SORCS2: variants seen among roughly 807,000 people sequenced by gnomAD.
The protein encoded by SORCS2 is VPS10 domain-containing receptor SorCS2.
Under a neutral mutation model 141.6 loss-of-function variants are expected in SORCS2, and 100 were observed. That is an observed-to-expected ratio of 0.71 (90% CI 0.60 to 0.83). The LOEUF (loss-of-function observed/expected upper bound fraction) is 0.83, where lower values mean the gene tolerates loss of function less well. Ranked by LOEUF, SORCS2 falls within the 40% of genes least tolerant of loss-of-function variation. SORCS2 has a pLI of 0.00. For missense variants in SORCS2, 1,646 were observed against 1,560.2 expected, an observed-to-expected ratio of 1.05 and a Z score of -0.93; for synonymous variants, 789 against 676.9, an observed-to-expected ratio of 1.17 and a Z score of -2.57.
chr4:7,338,238 A>T (rs1238563937), intron 1 of SORCS2, among the ~76,000 whole-genome samples: 4 of 142,692 alleles, frequency 2.8e-5, no homozygotes, highest in East Asian at 4.2e-4. Flanking sequence ...GTCGGATGGA[A>T]GGATGGATGG....
intron 1 of SORCS2, among the ~76,000 whole-genome samples, chr4:7,313,944 C>G (rs1159745283): frequency 1.3e-5 from 2 of 152,202 alleles, no homozygotes; most frequent in African/African-American, 4.8e-5. Flanking sequence ...GCTGCAGACC[C>G]CAGAGCCCAC....
chr4:7,516,082 C>T (rs989139083), intron 2 of SORCS2, among the ~76,000 whole-genome samples: 9 of 152,190 alleles, frequency 5.9e-5, no homozygotes, highest in African/African-American at 2.2e-4. Flanking sequence ...TTCATTTATT[C>T]ATTCAAGCAT....
At chr4:7,475,446 G>A (rs982274911) in intron 2 of SORCS2, among the ~76,000 whole-genome samples, 8 of 152,146 alleles carry the variant, frequency 5.3e-5, no homozygotes, top group South Asian at 4.1e-4. Context: ...CCGGCCCCCC[G>A]AGGGCCTGAG....
intron 2 of SORCS2, among the ~76,000 whole-genome samples, chr4:7,505,401 G>A (rs1285499145): frequency 6.6e-6 from 1 of 152,054 alleles, no homozygotes; most frequent in Admixed American, 6.5e-5. Context: ...AGCTCCGTGT[G>A]CACAGAGACA....
chr4:7,499,858 C>A (rs191458035), intron 2 of SORCS2, among the ~76,000 whole-genome samples: 63 of 152,268 alleles, frequency 4.1e-4, no homozygotes, highest in African/African-American at 1.5e-3. Context: ...GTGGGTGGAC[C>A]CCCTCCCAGG....
intron 2 of SORCS2, among the ~76,000 whole-genome samples, chr4:7,427,904 C>T (rs1391052596): frequency 2.0e-5 from 3 of 151,864 alleles, no homozygotes; most frequent in Non-Finnish European, 4.4e-5. Context: ...TCAACACCAG[C>T]TTTGGAGGGG....
At chr4:7,305,033 C>CTTT (rs748748182) in intron 1 of SORCS2, among the ~76,000 whole-genome samples, 1 of 52,760 alleles carries the variant, frequency 1.9e-5, no homozygotes, top group South Asian at 6.6e-4. Flanking sequence ...TCTGGCTCTT[C>CTTT]TTTTTTTTTT....
intron 2 of SORCS2, among the ~76,000 whole-genome samples, chr4:7,413,767 T>G (rs1725485048): frequency 6.6e-6 from 1 of 152,246 alleles, no homozygotes; most frequent in South Asian, 2.1e-4. Flanking sequence ...GTCCTCATTT[T>G]TAGACCTCTG....
At chr4:7,675,083 T>C (rs1320323136) in intron 8 of SORCS2, among the ~76,000 whole-genome samples, 1 of 152,242 alleles carries the variant, frequency 6.6e-6, no homozygotes, top group African/African-American at 2.4e-5. Context: ...TGGACCCTTT[T>C]ACTCTTGCCT....
chr4:7,720,210 T>TA (rs1726497650), intron 18 of SORCS2, among the ~76,000 whole-genome samples: 1 of 152,058 alleles, frequency 6.6e-6, no homozygotes, highest in African/African-American at 2.4e-5. Flanking sequence ...TCTTAAGAAT[T>TA]AAAAATAAGG....
chr4:7,411,214 A>G (rs1040378496), intron 2 of SORCS2, among the ~76,000 whole-genome samples: 92 of 151,916 alleles, frequency 6.1e-4, no homozygotes, highest in African/African-American at 2.1e-3. Context: ...TTGGCCTCCC[A>G]AAGTGCTGGG....
chr4:7,246,150 CA>C (rs1713067351), intron 1 of SORCS2, among the ~76,000 whole-genome samples: 1 of 152,232 alleles, frequency 6.6e-6, no homozygotes, highest in Non-Finnish European at 1.5e-5. Flanking sequence ...TGAGTACTGA[CA>C]GCAGCCACAG....
chr4:7,226,538 C>T (rs1015413315), intron 1 of SORCS2, among the ~76,000 whole-genome samples: 3 of 152,230 alleles, frequency 2.0e-5, no homozygotes, highest in African/African-American at 4.8e-5. Flanking sequence ...CCGGAACAGG[C>T]GGCGGGCAGA....
intron 2 of SORCS2, among the ~76,000 whole-genome samples, chr4:7,516,517 G>T (rs1451612397): frequency 6.6e-6 from 1 of 151,974 alleles, no homozygotes; most frequent in Non-Finnish European, 1.5e-5. Context: ...TGGCTGTTGC[G>T]TCTGCAGATT....
At chr4:7,393,499 C>T (rs956795078) in intron 1 of SORCS2, among the ~76,000 whole-genome samples, 3 of 152,146 alleles carry the variant, frequency 2.0e-5, no homozygotes, top group Non-Finnish European at 2.9e-5. Context: ...AGTGAAGAGC[C>T]CAAGCTTGAC....
intron 3 of SORCS2, among the ~76,000 whole-genome samples, chr4:7,555,955 A>C (rs1477442465): frequency 6.6e-6 from 1 of 152,270 alleles, no homozygotes; most frequent in Admixed American, 6.5e-5. Flanking sequence ...CTAGTCCAGC[A>C]CAGGGTGCTT....
chr4:7,416,453 T>A (rs1362732801), intron 2 of SORCS2, among the ~76,000 whole-genome samples: 1 of 152,182 alleles, frequency 6.6e-6, no homozygotes, highest in Non-Finnish European at 1.5e-5. Context: ...CTCCCACTGA[T>A]GCCCTGTGTA....
chr4:7,463,449 T>C (rs981919553), intron 2 of SORCS2, among the ~76,000 whole-genome samples: 1 of 152,144 alleles, frequency 6.6e-6, no homozygotes, highest in Admixed American at 6.5e-5. Context: ...ACTTAGTAAA[T>C]GTTTCCTTCC....
chr4:7,422,989 C>A (rs910338471), intron 2 of SORCS2, among the ~76,000 whole-genome samples: 1 of 149,956 alleles, frequency 6.7e-6, no homozygotes, highest in Non-Finnish European at 1.5e-5. Flanking sequence ...CACCTGCCAC[C>A]CCTCCCCTAC....
Sources: allele counts gnomAD v4.1 joint callset (sites outside exome capture counted in the v4.1 genomes callset), GRCh38; gene constraint gnomAD v4.1.1; transcripts MANE v1.5; gene names NCBI Gene and HGNC (gene_info 2026-07-23, HGNC 2026-07-21).